The following PLAC1 variants were observed in gnomAD, a reference collection of about 807,000 sequenced individuals.
PLAC1 encodes the protein placenta associated 1.
For synonymous variants in PLAC1, 68 were observed against 62.1 expected, an observed-to-expected ratio of 1.09 and a Z score of -0.44; for missense variants, 136 against 163.2, an observed-to-expected ratio of 0.83 and a Z score of 0.91.
At chrX:134,703,066 A>G (rs1280018593) in intron 2 of PLAC1, among the ~76,000 whole-genome samples, 2 of 112,135 alleles carry the variant, frequency 1.8e-5, no homozygotes, top group Non-Finnish European at 3.8e-5. Context: ...GACTGAGGGA[A>G]TAACAACGAT....
chrX:134,581,476 C>CTTTT lies in PLAC1; in HGVS notation c.-58-14740_-58-14737dup, dbSNP rs35457928. 7.8e-3 allele frequency among the ~76,000 whole-genome samples: 461 copies of CTTTT among 58,858 alleles called. 3 individuals carry two copies. Among genetic ancestry groups the CTTTT allele is most frequent in the Middle Eastern group, 0.032 (2 of 62 alleles). The allele number at this position is 58,858 out of a possible 115,157, so 51.1% of individuals were successfully genotyped here. A position where few individuals can be genotyped will look rare whatever the true frequency, so the allele number is the denominator to read the frequency against. ...ATACCATCTGGTGGTTTCTCAGACT[C>CTTTT]TTTTTTTTTTTTTTTTTTTTGAGTT... On this transcript the variant is annotated intron_variant, in intron 2 of 2. Transcript: ENST00000359237.
At chrX:134,703,727 C>A (rs894850731) in intron 2 of PLAC1, among the ~76,000 whole-genome samples, 4 of 109,533 alleles carry the variant, frequency 3.7e-5, no homozygotes, top group Non-Finnish European at 7.6e-5. Flanking sequence ...GCTGTTTTTT[C>A]TTAAAAAAAG....
intron 2 of PLAC1, among the ~76,000 whole-genome samples, chrX:134,581,410 G>A (rs527410032): frequency 1.8e-5 from 2 of 109,837 alleles, no homozygotes; most frequent in African/African-American, 3.3e-5. Flanking sequence ...CCACTAGCTT[G>A]GGTTGCTGAA....
At chrX:134,635,335 TTC>T (rs2078278516) in intron 1 of PLAC1, among the ~76,000 whole-genome samples, 1 of 110,047 alleles carries the variant, frequency 9.1e-6, no homozygotes, top group Non-Finnish European at 1.9e-5. Context: ...TCATTCACAT[TTC>T]TCTCTCTTTC....
intron 1 of PLAC1, among the ~76,000 whole-genome samples, chrX:134,758,907 C>T (rs2078763243): frequency 9.0e-6 from 1 of 111,162 alleles, no homozygotes; most frequent in Non-Finnish European, 1.9e-5. Context: ...CAGAATATAC[C>T]AAGAACTCAA....
intron 1 of PLAC1, among the ~76,000 whole-genome samples, chrX:134,741,752 C>T (rs2078717613): frequency 3.8e-5 from 4 of 106,088 alleles, no homozygotes; most frequent in African/African-American, 1.4e-4. Flanking sequence ...AAACAGTAAA[C>T]CAGTGGAGGT....
intron 1 of PLAC1, among the ~76,000 whole-genome samples, chrX:134,655,716 T>C (rs887676464): frequency 3.6e-5 from 4 of 112,271 alleles, no homozygotes; most frequent in Non-Finnish European, 5.6e-5. Flanking sequence ...GAATATCTCA[T>C]ATTCTGAATT....
At chrX:134,573,477 G>A (rs937367482) in intron 2 of PLAC1, among the ~76,000 whole-genome samples, 1 of 111,036 alleles carries the variant, frequency 9.0e-6, no homozygotes, top group African/African-American at 3.3e-5. Flanking sequence ...GTAGTCTCTG[G>A]GAGTCTGCCA....
chrX:134,760,738 C>T (rs1168229380), intron 1 of PLAC1, among the ~76,000 whole-genome samples: 3 of 111,387 alleles, frequency 2.7e-5, no homozygotes, highest in Non-Finnish European at 3.8e-5. Flanking sequence ...CACCCTGCAA[C>T]GTGACTTTGC....
At chrX:134,726,460 T>C (rs762137305) in intron 2 of PLAC1, among the ~76,000 whole-genome samples, 1 of 111,764 alleles carries the variant, frequency 8.9e-6, no homozygotes, top group Admixed American at 9.5e-5. Context: ...GCCTGACACT[T>C]GGTACATAAT....
intron 1 of PLAC1, among the ~76,000 whole-genome samples, chrX:134,656,204 G>C (rs2078390851): frequency 8.9e-6 from 1 of 112,237 alleles, no homozygotes; most frequent in Admixed American, 9.4e-5. Flanking sequence ...TCTTCAGTCA[G>C]AGCCAGCTTT....
chrX:134,610,666 C>G (rs1021395964), intron 1 of PLAC1, among the ~76,000 whole-genome samples: 1 of 111,226 alleles, frequency 9.0e-6, no homozygotes, highest in Non-Finnish European at 1.9e-5. Flanking sequence ...CAAAGCTGGT[C>G]GAGGGTGACA....
chrX:134,720,879 A>G (rs186326917), intron 2 of PLAC1, among the ~76,000 whole-genome samples: 134 of 112,058 alleles, frequency 1.2e-3, no homozygotes, highest in African/African-American at 4.2e-3. Context: ...GCTGTTCTCA[A>G]ACTCCTGGGC....
chrX:134,573,871 T>A (rs769170550), intron 2 of PLAC1, among the ~76,000 whole-genome samples: 4 of 111,384 alleles, frequency 3.6e-5, no homozygotes, highest in African/African-American at 1.3e-4. Flanking sequence ...GTGTATAACA[T>A]CCTGACTGAG....
At chrX:134,647,625 G>T (rs73566653) in intron 1 of PLAC1, among the ~76,000 whole-genome samples, 1,546 of 110,683 alleles carry the variant, frequency 0.014, 27 homozygotes, top group African/African-American at 0.047. Flanking sequence ...CAAATCATTT[G>T]GGCAATTGCC....
At chrX:134,667,825 G>A (rs758163600) in intron 2 of PLAC1, among the ~76,000 whole-genome samples, 2 of 109,808 alleles carry the variant, frequency 1.8e-5, no homozygotes, top group Non-Finnish European at 3.8e-5. Flanking sequence ...TACTCAGGAG[G>A]CTGAAGCAGA....
chrX:134,650,951 G>A (rs755908991), intron 1 of PLAC1: 87 of 211,810 alleles, frequency 4.1e-4, no homozygotes, highest in African/African-American at 2.3e-3. Flanking sequence ...CTCAGCTCAG[G>A]GAGCTGAATA....
At chrX:134,624,591 T>G (rs1232908467) in intron 1 of PLAC1, among the ~76,000 whole-genome samples, 2 of 112,385 alleles carry the variant, frequency 1.8e-5, no homozygotes, top group African/African-American at 3.2e-5. Flanking sequence ...AAAGTATTAC[T>G]TTAAAATAAA....
chrX:134,671,319 T>C (rs1236110165), intron 2 of PLAC1, among the ~76,000 whole-genome samples: 1 of 111,817 alleles, frequency 8.9e-6, no homozygotes, highest in Admixed American at 9.5e-5. Context: ...TGGTAAAACA[T>C]GTTTAAAAGT....
Sources: gnomAD v4.1 joint callset for allele counts (sites outside exome capture counted in the v4.1 genomes callset) on GRCh38, gnomAD v4.1.1 for gene constraint, MANE v1.5 for transcripts, NCBI Gene and HGNC (gene_info 2026-07-23, HGNC 2026-07-21) for gene names.